DLGAP3: variants seen among roughly 807,000 people sequenced by gnomAD.
DLGAP3 encodes the protein disks large-associated protein 3.
Under a neutral mutation model 81.2 loss-of-function variants are expected in DLGAP3, and 17 were observed. The observed-to-expected ratio is 0.21, with a 90% CI of 0.14 to 0.31. The LOEUF (loss-of-function observed/expected upper bound fraction) is 0.31. DLGAP3 is among the 10% of genes least tolerant of loss of function. The pLI is 1.00. For synonymous variants in DLGAP3, 577 were observed against 587.4 expected (o/e 0.98, Z 0.26); for missense variants, 1,124 against 1,388.0 (o/e 0.81, Z 3.02).
Position 34,904,254 on chromosome 1 carries a change from C to A in DLGAP3, c.1107+23G>T. 6.2e-7 allele frequency: 1 copy of A among 1,600,424 alleles called. No individual in the cohort carries two copies. The highest frequency in any genetic ancestry group is 8.5e-7 in the Non-Finnish European group (1 of 1,179,918). The stretch of plus-strand genomic sequence containing the variant: ...ACTGGTGAAGGCTAAGGACTCTGTT[C>A]CCCAACCCCAAAAAAGCCTCACCTG... On this transcript the variant is annotated intron_variant, in intron 3 of 11. Coordinates refer to ENST00000373347, the MANE Select transcript of DLGAP3 (RefSeq NM_001080418.3). This position sits in a 1 kb window ranked among gnomAD's most constrained non-coding sequence, Gnocchi z 8.1.
intron 8 of DLGAP3, among the ~76,000 whole-genome samples, chr1:34,871,239 C>T (rs1638975396): frequency 6.6e-6 from 1 of 152,158 alleles, no homozygotes; most frequent in Admixed American, 6.5e-5. Flanking sequence ...ACACAGTCCT[C>T]CTCTTCAACC....
chr1:34,914,222 G>C (rs948837131), intron 1 of DLGAP3, among the ~76,000 whole-genome samples: 5 of 152,144 alleles, frequency 3.3e-5, no homozygotes, highest in Non-Finnish European at 7.4e-5. Context: ...TAGGCCCTTT[G>C]AGACACAATT....
intron 1 of DLGAP3, among the ~76,000 whole-genome samples, chr1:34,910,346 T>C (rs1639620056): frequency 6.6e-6 from 1 of 152,226 alleles, no homozygotes; most frequent in Non-Finnish European, 1.5e-5. Flanking sequence ...TCCTAACTGG[T>C]CTCCCTGCTT....
In DLGAP3 at chr1:34,886,095, G is replaced by T; in HGVS notation, c.1577C>A (p.Ala526Asp). ...DCLPLLATPAAVSGRPGSSFN... is the reference protein window; with the variant it reads ...DCLPLLATPADVSGRPGSSFN... ...ACAGGAGCCGGGCCTCCCTGAGACA[G>T]CGGCAGGGGTAGCGAGGAGGGGCAG... Residue 526 changes from alanine (A) to aspartate (D), a missense_variant, in exon 6 of 12, where the codon GCT (alanine) becomes GAT (aspartate). Physicochemically the swap from Ala to Asp is moderately radical, Grantham distance 126. This residue lies in a region of DLGAP3 where 379 missense variants were observed against 455.7 expected (regional missense o/e 0.83). Transcript: ENST00000373347. The T allele has an allele frequency of 6.2e-7, 1 of 1,605,782 alleles. No homozygotes were observed. The highest frequency in any genetic ancestry group is 8.5e-7 in the Non-Finnish European group (1 of 1,177,488).
intron 8 of DLGAP3, among the ~76,000 whole-genome samples, chr1:34,879,324 A>C (rs72657946): frequency 0.079 from 11,964 of 152,266 alleles, 591 homozygotes; most frequent in South Asian, 0.11. Context: ...TTAGATTCTC[A>C]TAAGGAGCAC....
chr1:34,898,633 C>T (rs1325134619), intron 5 of DLGAP3, among the ~76,000 whole-genome samples: 2 of 152,196 alleles, frequency 1.3e-5, no homozygotes, highest in Admixed American at 6.5e-5. Flanking sequence ...TTATTGAGTG[C>T]TGGCTATGTG....
chr1:34,877,773 G>A (rs1311192487), intron 8 of DLGAP3, among the ~76,000 whole-genome samples: 1 of 152,190 alleles, frequency 6.6e-6, no homozygotes, highest in Non-Finnish European at 1.5e-5. Context: ...TCTGTCAAAT[G>A]TTTAAGGGAA....
rs373555844 is a variant in DLGAP3, at chr1:34,882,457, G to A, written c.2000+2521C>T. 2.6e-4 allele frequency among the ~76,000 whole-genome samples: 39 copies of A among 152,184 alleles called. No individual in the cohort carries two copies. In the East Asian group the frequency reaches 5.2e-3, roughly 20 times the overall value. The stretch of plus-strand genomic sequence containing the variant: ...CATGCCACTGCACTCCAGCCTGGAC[G>A]ACAAGAGCAAAATGCCATCTCAAAA... On this transcript the variant is annotated intron_variant, in intron 8 of 11. Coordinates refer to ENST00000373347, the MANE Select transcript of DLGAP3 (RefSeq NM_001080418.3).
intron 6 of DLGAP3, 42 bp from the exon 7 acceptor site, chr1:34,885,833 G>A: frequency 7.3e-7 from 1 of 1,374,930 alleles, no homozygotes; most frequent in Non-Finnish European, 9.5e-7. Context: ...TGAGGCTCGC[G>A]GCCCTGCCTG....
chr1:34,911,022 A>ACCCCCCCCCCCCCC (rs58074971), intron 1 of DLGAP3, among the ~76,000 whole-genome samples: 2 of 131,948 alleles, frequency 1.5e-5, no homozygotes, highest in African/African-American at 3.0e-5. Context: ...GATATTATCC[A>ACCCCCCCCCCCCCC]CCCCCCCCCC....
intron 5 of DLGAP3, among the ~76,000 whole-genome samples, chr1:34,896,733 A>G (rs928059753): frequency 6.6e-6 from 1 of 152,238 alleles, no homozygotes; most frequent in Non-Finnish European, 1.5e-5. Flanking sequence ...CACAAAGAAT[A>G]AAATACAATA....
At chr1:34,872,765 A>G (rs1215898293) in intron 8 of DLGAP3, among the ~76,000 whole-genome samples, 3 of 152,220 alleles carry the variant, frequency 2.0e-5, no homozygotes, top group African/African-American at 7.2e-5. Context: ...GCTGGCTCTG[A>G]AGATAGAAGC....
rs570761563 is a variant in DLGAP3 at position 34,871,952 on chromosome 1, C to G, written c.2001-2863G>C. 3.3e-5 allele frequency among the ~76,000 whole-genome samples: 5 copies of G among 152,304 alleles called. No individual in the cohort carries two copies. In the East Asian group the frequency reaches 9.7e-4, roughly 29 times the overall value. On this transcript the variant is annotated intron_variant, in intron 8 of 11. Coordinates refer to ENST00000373347, the MANE Select transcript of DLGAP3 (RefSeq NM_001080418.3). The stretch of plus-strand genomic sequence containing the variant: ...ACCAGAAGCACAGTCCTCACCAACG[C>G]TCCTGGCCAGCAGCCAGAGATGTGT...
chr1:34,909,194 G>A (rs1639603795), intron 1 of DLGAP3, among the ~76,000 whole-genome samples: 1 of 152,204 alleles, frequency 6.6e-6, no homozygotes, highest in Non-Finnish European at 1.5e-5. Context: ...TCACACAGGT[G>A]CTGCTGGCAA....
At chr1:34,869,512 G>A (rs1301465932) in intron 8 of DLGAP3, among the ~76,000 whole-genome samples, 1 of 142,838 alleles carries the variant, frequency 7.0e-6, no homozygotes, top group Non-Finnish European at 1.5e-5. Flanking sequence ...TTTTGGAGAT[G>A]GAGTTTTGCT....
At position 34,869,077 on chromosome 1, in the gene DLGAP3, G is replaced by A. The variant is rs1385791193; in HGVS notation, c.2013C>T (p.Phe671=). The A allele has an allele frequency of 6.3e-7, 1 of 1,593,572 alleles. No homozygotes were observed. The highest frequency in any genetic ancestry group is 8.5e-7 in the Non-Finnish European group (1 of 1,176,152). ...CAGCCGTCACACTATTGGAGCGCTT[G>A]AACCTTGCTCGCCTGGGGAGAGGGG... The part of the protein sequence containing the change: ...QVEEDKRRAR[F]KRSNSVTAGV... The change falls in exon 9 of 12, where the codon TTC becomes TTT. Residue 671 remains phenylalanine (F), a synonymous_variant. Transcript: ENST00000373347.
At chr1:34,879,194 T>C (rs1006251103) in intron 8 of DLGAP3, among the ~76,000 whole-genome samples, 1 of 152,170 alleles carries the variant, frequency 6.6e-6, no homozygotes, top group African/African-American at 2.4e-5. Flanking sequence ...TATTACATTG[T>C]AATATATAAT....
At chr1:34,870,839 G>A (rs937292738) in intron 8 of DLGAP3, among the ~76,000 whole-genome samples, 3 of 152,204 alleles carry the variant, frequency 2.0e-5, no homozygotes, top group African/African-American at 7.2e-5. Context: ...ACGGGGCCAG[G>A]AGTTAGCTCT....
intron 8 of DLGAP3, among the ~76,000 whole-genome samples, chr1:34,876,590 G>T (rs1639062478): frequency 6.6e-6 from 1 of 152,166 alleles, no homozygotes; most frequent in African/African-American, 2.4e-5. Context: ...GGGACAGAAA[G>T]GACTGTGCAG....
Sources: gnomAD v4.1 joint callset for allele counts (sites outside exome capture counted in the v4.1 genomes callset) on GRCh38, gnomAD v4.1.1 for gene constraint, gnomAD v4.1.1 regional missense constraint, Gnocchi (gnomAD v3.1) non-coding constraint, MANE v1.5 for transcripts, NCBI Gene and HGNC (gene_info 2026-07-23, HGNC 2026-07-21) for gene names.